Variants in NFATC3 observed in about 807,000 individuals in gnomAD.
The protein encoded by NFATC3 is nuclear factor of activated T cells 3.
A neutral mutation model predicts 98.6 loss-of-function variants in NFATC3; 46 were observed. The observed-to-expected ratio is 0.47, with a 90% CI of 0.37 to 0.60. The LOEUF is 0.60. NFATC3 is among the 20% of genes least tolerant of loss of function. The pLI is 0.00. For synonymous variants in NFATC3, 512 were observed against 472.2 expected (o/e 1.08, Z -1.09); for missense variants, 1,256 against 1,295.5 (o/e 0.97, Z 0.47).
At chr16:68,098,495 T>C (rs1047907188) in intron 1 of NFATC3, among the ~76,000 whole-genome samples, 1 of 151,796 alleles carries the variant, frequency 6.6e-6, no homozygotes, top group Admixed American at 6.6e-5. Context: ...AGAGACAGAG[T>C]TTCACCATGT....
chr16:68,107,255 T>C (rs972589617), intron 1 of NFATC3, among the ~76,000 whole-genome samples: 1 of 152,252 alleles, frequency 6.6e-6, no homozygotes, highest in Non-Finnish European at 1.5e-5. Flanking sequence ...CCTTTGGGTA[T>C]ATACCCAGTA....
In NFATC3 at chr16:68,158,037, C is replaced by G. The variant is rs2038702910; in HGVS notation, c.1570C>G (p.Pro524Ala). ...IIASTKVLEI[P>A]LLPENNMSAS... is the part of the protein sequence containing the mutation. ...TGCCAGTACAAAAGTTCTGGAAATTCCACTTCTTCCTGAAAATAATATGTC... is the reference window on the plus strand; with the variant it reads ...TGCCAGTACAAAAGTTCTGGAAATTGCACTTCTTCCTGAAAATAATATGTC... Residue 524 changes from proline to alanine, a missense_variant, in exon 4 of 10, where the codon CCA (proline) becomes GCA (alanine). Coordinates refer to ENST00000346183, the MANE Select transcript of NFATC3 (RefSeq NM_173165.3). 6.2e-7 allele frequency: 1 copy of G among 1,612,778 alleles called. No homozygotes were observed. The highest frequency in any genetic ancestry group is 8.5e-7 in the Non-Finnish European group (1 of 1,179,304).
intron 9 of NFATC3, among the ~76,000 whole-genome samples, chr16:68,208,012 T>C (rs1395459015): frequency 1.3e-5 from 2 of 152,170 alleles, no homozygotes; most frequent in Non-Finnish European, 2.9e-5. Context: ...GTATATTTTC[T>C]TGTCTATCCA....
chr16:68,087,728 C>G (rs926171687), intron 1 of NFATC3, among the ~76,000 whole-genome samples: 34 of 152,146 alleles, frequency 2.2e-4, no homozygotes, highest in African/African-American at 6.8e-4. Context: ...CCTCCCAACC[C>G]CTAGTAGCCA....
chr16:68,209,992 A>T (rs2041311698), intron 9 of NFATC3, among the ~76,000 whole-genome samples: 1 of 150,216 alleles, frequency 6.7e-6, no homozygotes, highest in Admixed American at 6.6e-5. Flanking sequence ...ATGAAATCCC[A>T]TCTCTGCTAA....
intron 4 of NFATC3, among the ~76,000 whole-genome samples, chr16:68,165,869 C>T (rs1320113032): frequency 6.6e-6 from 1 of 152,160 alleles, no homozygotes; most frequent in Non-Finnish European, 1.5e-5. Context: ...AATTAGTTAT[C>T]CATTTGCTTT....
intron 9 of NFATC3, among the ~76,000 whole-genome samples, chr16:68,219,209 C>T (rs1195598995): frequency 6.6e-6 from 1 of 151,836 alleles, no homozygotes; most frequent in Non-Finnish European, 1.5e-5. Flanking sequence ...GGTGAAACCC[C>T]GCCTCTACTA....
At chr16:68,180,594 G>C (rs1332148721) in intron 6 of NFATC3, among the ~76,000 whole-genome samples, 1 of 150,536 alleles carries the variant, frequency 6.6e-6, no homozygotes, top group Non-Finnish European at 1.5e-5. Flanking sequence ...TTGGTGTGCT[G>C]CACCCATTAA....
At chr16:68,211,592 A>G (rs1014910366) in intron 9 of NFATC3, among the ~76,000 whole-genome samples, 1 of 151,660 alleles carries the variant, frequency 6.6e-6, no homozygotes, top group Non-Finnish European at 1.5e-5. Flanking sequence ...GCATGATCTC[A>G]GCTCACTGCA....
In NFATC3 at chr16:68,191,133, G is replaced by A; in HGVS notation, c.2464G>A (p.Ala822Thr). The change falls in exon 9 of 10, where the codon GCC becomes ACC. Residue 822 changes from alanine to threonine, a missense_variant. Around this residue, in one of 3 missense-constraint regions of NFATC3, gnomAD observed 636 missense variants for 617.3 expected, o/e 1.03. Transcript: ENST00000346183. ...NGPTCLPINA[A>T]SSQEFDSVLF... The stretch of plus-strand genomic sequence containing the variant: ...ACCAACTTGTCTTCCTATTAATGCT[G>A]CCTCTAGTCAAGAATTTGATTCAGT... 1 of 1,614,174 alleles carries A rather than the reference G, an allele frequency of 6.2e-7. No homozygotes were observed. The highest frequency in any genetic ancestry group is 1.3e-5 in the African/African-American group (1 of 75,030).
rs1478301535 is a variant in NFATC3, at chr16:68,122,309, A to G, written c.426A>G (p.Glu142=). Residue 142 remains glutamate (E), a synonymous_variant, in exon 2 of 10, where the codon GAA becomes GAG. Transcript: ENST00000346183. ...QINDPEREFL[E]RPSRDHLYLP... ...ATGACCCAGAACGGGAATTTTTGGA[A>G]AGGCCTTCTAGAGATCATCTCTATC... 1 of 1,614,144 alleles carries G rather than the reference A, an allele frequency of 6.2e-7. No individual in the cohort carries two copies. The highest frequency in any genetic ancestry group is 1.1e-5 in the South Asian group (1 of 91,084).
rs1490551301 is a variant in NFATC3 at position 68,122,760 on chromosome 16, C to T, written c.877C>T (p.Pro293Ser). 3.7e-6 allele frequency: 6 copies of T among 1,614,132 alleles called. No homozygotes were observed. Among genetic ancestry groups the T allele is most frequent in the Non-Finnish European group, 5.1e-6 (6 of 1,180,060 alleles). Reference sequence around the variant, plus strand: ...TGGGTCCCTTTCACCCCATCACTCACCTGTTCCTTCACCTGGTCACTCCCC... The same window carrying T: ...TGGGTCCCTTTCACCCCATCACTCATCTGTTCCTTCACCTGGTCACTCCCC... ...YAGSLSPHHS[P>S]VPSPGHSPRG... Residue 293 changes from proline (P) to serine (S), a missense_variant, in exon 2 of 10, where the codon CCT becomes TCT. Coordinates refer to ENST00000346183, the MANE Select transcript of NFATC3 (RefSeq NM_173165.3).
intron 1 of NFATC3, among the ~76,000 whole-genome samples, chr16:68,118,715 T>C (rs2036419445): frequency 6.6e-6 from 1 of 152,236 alleles, no homozygotes; most frequent in South Asian, 2.1e-4. Context: ...TGCACAAATA[T>C]CTATTTGACA....
rs1201433380 is a variant in NFATC3, at chr16:68,085,733, T to C, written c.52T>C (p.Phe18Leu). 3 of 1,511,526 alleles carry C rather than the reference T, an allele frequency of 2.0e-6. No individual in the cohort carries two copies. The Admixed American group carries it at 6.5e-5, about 33-fold the overall frequency. 93.6% of individuals were successfully genotyped at this position (1,511,526 alleles called of 1,614,324 possible). The change falls in exon 1 of 10, where the codon TTT (phenylalanine) becomes CTT (leucine). Residue 18 changes from phenylalanine (F) to leucine (L), a missense_variant. Phe to Leu is a conservative substitution (Grantham distance 22). Transcript: ENST00000346183. ...CGACGAGCTCGACTTCAAACTCGTCTTTGGCGAGGACGGGGCGCCGGCGCC... is the reference window on the plus strand; with the variant it reads ...CGACGAGCTCGACTTCAAACTCGTCCTTGGCGAGGACGGGGCGCCGGCGCC... ...AHDELDFKLV[F>L]GEDGAPAPPP...
At chr16:68,144,682 G>A (rs2037943499) in intron 3 of NFATC3, among the ~76,000 whole-genome samples, 1 of 151,658 alleles carries the variant, frequency 6.6e-6, no homozygotes, top group African/African-American at 2.4e-5. Flanking sequence ...TTTTTAGATG[G>A]AGTCTTGCTC....
chr16:68,085,696 CTG>C lies in NFATC3; in HGVS notation c.18_19del (p.Cys6TrpfsTer31), dbSNP rs2151431246. The C allele has an allele frequency of 6.6e-7, 1 of 1,515,654 alleles. No individual in the cohort carries two copies. Among genetic ancestry groups the C allele is most frequent in the Non-Finnish European group, 8.8e-7 (1 of 1,133,810 alleles). The allele number at this position is 1,515,654 out of a possible 1,614,324, so 93.9% of individuals were successfully genotyped here. A position where few individuals can be genotyped will look rare whatever the true frequency, so the allele number is the denominator to read the frequency against. MTTAN[C>X]GAHDELDFKL... ...GGGCCACGCCGATGACTACTGCAAA[CTG>C]TGGCGCCCACGACGAGCTCGACTTC... is the stretch of plus-strand genomic sequence containing the variant. On this transcript the variant is annotated frameshift_variant, in exon 1 of 10. Coordinates refer to ENST00000346183, the MANE Select transcript of NFATC3 (RefSeq NM_173165.3). LOFTEE classifies it high-confidence loss of function.
At chr16:68,217,644 C>G in intron 9 of NFATC3, 1 of 1,230,984 alleles carries the variant, frequency 8.1e-7, no homozygotes, top group Non-Finnish European at 1.0e-6. Flanking sequence ...TAGGAAATTT[C>G]TCTCACACCT....
At chr16:68,204,361 C>CA (rs1339133602) in intron 9 of NFATC3, among the ~76,000 whole-genome samples, 1 of 152,050 alleles carries the variant, frequency 6.6e-6, no homozygotes, top group Non-Finnish European at 1.5e-5. Context: ...TACTCTGTCT[C>CA]AAAAATACAA....
intron 5 of NFATC3, among the ~76,000 whole-genome samples, chr16:68,171,332 G>C (rs887563883): frequency 6.6e-6 from 1 of 152,106 alleles, no homozygotes. Flanking sequence ...CTGTTACTTA[G>C]AATGTACCTG....
Sources: allele counts gnomAD v4.1 joint callset (sites outside exome capture counted in the v4.1 genomes callset), GRCh38; gene constraint gnomAD v4.1.1; regional missense constraint gnomAD v4.1.1; transcripts MANE v1.5; gene names NCBI Gene and HGNC (gene_info 2026-07-23, HGNC 2026-07-21).